The following ZNF385D variants were observed in gnomAD, a reference collection of about 807,000 sequenced individuals.
ZNF385D encodes zinc finger protein 659.
Under a neutral mutation model 35.8 loss-of-function variants are expected in ZNF385D, and 15 were observed. That is an observed-to-expected ratio of 0.42 (90% CI 0.28 to 0.64). ZNF385D has a LOEUF of 0.64. ZNF385D is among the 30% of genes least tolerant of loss of function. ZNF385D has a pLI of 0.23. For missense variants in ZNF385D, 474 were observed against 494.6 expected, an observed-to-expected ratio of 0.96 and a Z score of 0.39; for synonymous variants, 212 against 186.8, an observed-to-expected ratio of 1.13 and a Z score of -1.10.
At chr3:21,547,170 C>G (rs760111637) in intron 3 of ZNF385D, among the ~76,000 whole-genome samples, 14 of 152,146 alleles carry the variant, frequency 9.2e-5, no homozygotes, top group Non-Finnish European at 1.6e-4. Context: ...AGACTCCCCT[C>G]AGATGAAGCC....
intron 2 of ZNF385D, among the ~76,000 whole-genome samples, chr3:21,565,820 A>C (rs1463241737): frequency 6.6e-6 from 1 of 152,130 alleles, no homozygotes; most frequent in Non-Finnish European, 1.5e-5. Context: ...TAATAGATTG[A>C]GATAGATCAG....
intron 2 of ZNF385D, among the ~76,000 whole-genome samples, chr3:22,355,998 AT>A (rs1696131609): frequency 6.6e-6 from 1 of 152,084 alleles, no homozygotes; most frequent in Non-Finnish European, 1.5e-5. Context: ...TAGGCTAAAA[AT>A]ATTTCCAATT....
intron 3 of ZNF385D, among the ~76,000 whole-genome samples, chr3:21,766,442 C>T (rs2125598790): frequency 6.6e-6 from 1 of 152,136 alleles, no homozygotes; most frequent in East Asian, 1.9e-4. Flanking sequence ...TGTATTAAAG[C>T]ACGGTCAGAA....
chr3:21,725,784 C>T (rs536104976), intron 1 of ZNF385D, among the ~76,000 whole-genome samples: 7 of 152,260 alleles, frequency 4.6e-5, no homozygotes, highest in African/African-American at 1.7e-4. Flanking sequence ...CCTTCTGAAA[C>T]TATTCCAAGC....
At chr3:21,807,218 G>A (rs2072692239) in intron 3 of ZNF385D, among the ~76,000 whole-genome samples, 1 of 152,150 alleles carries the variant, frequency 6.6e-6, no homozygotes, top group African/African-American at 2.4e-5. Flanking sequence ...AATCATTATT[G>A]AGATATTTTG....
At chr3:21,863,302 G>A (rs1697159571) in intron 3 of ZNF385D, among the ~76,000 whole-genome samples, 1 of 152,030 alleles carries the variant, frequency 6.6e-6, no homozygotes, top group South Asian at 2.1e-4. Context: ...ATCCAAAATT[G>A]TTGACATTCT....
intron 3 of ZNF385D, among the ~76,000 whole-genome samples, chr3:22,078,886 CAAT>C (rs985889399): frequency 3.3e-5 from 5 of 151,840 alleles, no homozygotes; most frequent in African/African-American, 7.3e-5. Context: ...ATTTTAAATA[CAAT>C]AATGTTATTT....
intron 2 of ZNF385D, among the ~76,000 whole-genome samples, chr3:22,253,132 G>A (rs1319293439): frequency 2.0e-5 from 3 of 152,012 alleles, no homozygotes; most frequent in African/African-American, 7.2e-5. Context: ...TGGATAGACT[G>A]TGGTGACAAT....
chr3:21,870,266 C>T (rs895950252), intron 3 of ZNF385D, among the ~76,000 whole-genome samples: 2 of 152,114 alleles, frequency 1.3e-5, no homozygotes, highest in Admixed American at 1.3e-4. Flanking sequence ...TTTAAAACAT[C>T]CAGGCATTCA....
chr3:22,093,612 T>G (rs1448284806), intron 3 of ZNF385D, among the ~76,000 whole-genome samples: 1 of 152,138 alleles, frequency 6.6e-6, no homozygotes, highest in East Asian at 1.9e-4. Context: ...GTTGACAACC[T>G]ACTATAAAAA....
intron 1 of ZNF385D, among the ~76,000 whole-genome samples, chr3:21,732,130 A>G (rs1575553295): frequency 7.3e-6 from 1 of 136,352 alleles, no homozygotes; most frequent in African/African-American, 2.9e-5. Context: ...GCTCACTGCA[A>G]CCTCCGCCTC....
At chr3:22,189,058 G>T (rs17010987) in intron 2 of ZNF385D, among the ~76,000 whole-genome samples, 1 of 151,976 alleles carries the variant, frequency 6.6e-6, no homozygotes, top group East Asian at 1.9e-4. Flanking sequence ...CTCTTCATTA[G>T]GTGTACAATC....
intron 3 of ZNF385D, among the ~76,000 whole-genome samples, chr3:21,832,971 C>G (rs1695096657): frequency 6.6e-6 from 1 of 152,158 alleles, no homozygotes; most frequent in Non-Finnish European, 1.5e-5. Flanking sequence ...AAAAATCAAT[C>G]TTATTTCTCA....
At chr3:21,666,493 G>A (rs1284249818) in intron 1 of ZNF385D, among the ~76,000 whole-genome samples, 1 of 152,154 alleles carries the variant, frequency 6.6e-6, no homozygotes, top group Non-Finnish European at 1.5e-5. Flanking sequence ...TCTGTAATCA[G>A]TAAACTAATT....
chr3:21,797,147 G>C (rs1044922335), intron 3 of ZNF385D, among the ~76,000 whole-genome samples: 1 of 152,160 alleles, frequency 6.6e-6, no homozygotes, highest in Non-Finnish European at 1.5e-5. Flanking sequence ...TCAACAATTA[G>C]AGAACACAAT....
chr3:21,457,270 C>G (rs759735667), intron 4 of ZNF385D, among the ~76,000 whole-genome samples: 38 of 152,086 alleles, frequency 2.5e-4, no homozygotes, highest in Non-Finnish European at 4.3e-4. Context: ...TTTTTCATCT[C>G]TTTAAAATTA....
At chr3:22,296,143 C>T (rs1702564565) in intron 2 of ZNF385D, among the ~76,000 whole-genome samples, 1 of 152,112 alleles carries the variant, frequency 6.6e-6, no homozygotes, top group East Asian at 1.9e-4. Flanking sequence ...TATGATGTCA[C>T]TCACTCCAGA....
chr3:21,795,263 T>C (rs1450531538), intron 3 of ZNF385D, among the ~76,000 whole-genome samples: 1 of 152,210 alleles, frequency 6.6e-6, no homozygotes, highest in Non-Finnish European at 1.5e-5. Context: ...GCTGTAGGCC[T>C]CAGGGGCCCC....
intron 2 of ZNF385D, among the ~76,000 whole-genome samples, chr3:22,169,924 A>G (rs1694291128): frequency 6.6e-6 from 1 of 152,244 alleles, no homozygotes; most frequent in Non-Finnish European, 1.5e-5. Flanking sequence ...CCTACTAAGT[A>G]GCTGGAACTA....
Sources: gnomAD v4.1 joint callset for allele counts (sites outside exome capture counted in the v4.1 genomes callset) on GRCh38, gnomAD v4.1.1 for gene constraint, MANE v1.5 for transcripts, NCBI Gene and HGNC (gene_info 2026-07-23, HGNC 2026-07-21) for gene names.